Variants in CTSZ observed in about 807,000 individuals in gnomAD.
CTSZ encodes the protein cathepsin Z, also known as carboxypeptidase LB.
Under a neutral mutation model 32.4 loss-of-function variants are expected in CTSZ, and 39 were observed. The ratio of observed to expected loss-of-function variants is 1.20; its 90% CI spans 0.93 to 1.57. The LOEUF (loss-of-function observed/expected upper bound fraction) is 1.57, where lower values mean the gene tolerates loss of function less well. Among genes scored for constraint, CTSZ ranks in the 40% most tolerant of loss-of-function variants. The probability of loss-of-function intolerance (pLI) is 0.00; values close to 1 mark genes in which losing one functional copy is unlikely to be tolerated. For synonymous variants in CTSZ, 168 were observed against 170.1 expected, an observed-to-expected ratio of 0.99 and a Z score of 0.10; for missense variants, 397 against 419.6, an observed-to-expected ratio of 0.95 and a Z score of 0.47.
At position 59,004,794 on chromosome 20, in the gene CTSZ, G is replaced by A. The variant is rs1040785651; in HGVS notation, c.307+1528C>T. ...GAAGCGAGTGCCTGGGCCTGGGTGC[G>A]CTGAGAAGGAGGTTTCAGGAGAAAG... On this transcript the variant is annotated intron_variant, in intron 2 of 5. Transcript: ENST00000217131. This position sits in a 1 kb window ranked among gnomAD's most constrained non-coding sequence, Gnocchi z 5.6. Among the ~76,000 whole-genome samples, 4 of 152,012 alleles carry A rather than the reference G, an allele frequency of 2.6e-5. No individual in the cohort carries two copies. The highest frequency in any genetic ancestry group is 4.4e-5 in the Non-Finnish European group (3 of 67,976).
intron 2 of CTSZ, among the ~76,000 whole-genome samples, chr20:59,003,141 T>C (rs1188873244): frequency 2.0e-5 from 3 of 152,238 alleles, no homozygotes; most frequent in Non-Finnish European, 1.5e-5. Context: ...ACCTCCTGCC[T>C]GGGCTTCTGG....
In CTSZ at chr20:59,001,499, G is replaced by A. The variant is rs145037018; in HGVS notation, c.453C>T (p.Asp151=). The change falls in exon 3 of 6, where the codon GAC becomes GAT. Residue 151 remains aspartate, a synonymous_variant. Coordinates refer to ENST00000217131, the MANE Select transcript of CTSZ (RefSeq NM_001336.4). ...WDYAHQHGIP[D]ETCNNYQAKD... is the part of the protein sequence containing the mutation. ...TGGCCTGGTAGTTGTTGCAGGTCTCGTCAGGGATGCCGTGCTGGTGGGCGT... is the reference window on the plus strand; with the variant it reads ...TGGCCTGGTAGTTGTTGCAGGTCTCATCAGGGATGCCGTGCTGGTGGGCGT... 3.1e-6 allele frequency: 5 copies of A among 1,613,734 alleles called. No individual in the cohort carries two copies. The highest frequency in any genetic ancestry group is 1.1e-5 in the South Asian group (1 of 91,076).
At chr20:58,998,800 C>T (rs163786) in intron 3 of CTSZ, among the ~76,000 whole-genome samples, 63,636 of 152,128 alleles carry the variant, frequency 0.42, 13,783 homozygotes, top group East Asian at 0.62. Flanking sequence ...ATCCACACGG[C>T]GGCCCTCGGC....
Position 58,995,718 on chromosome 20 carries a change from C to G in CTSZ, c.843G>C (p.Lys281Asn), listed in dbSNP as rs6064734. 6.2e-7 allele frequency: 1 copy of G among 1,614,034 alleles called. No homozygotes were observed. ...GGTTGTATCTGGCGCCCTTCCCATC[C>G]TTATAGGTGCTGGTCACGATCCTCA... ...GWLRIVTSTY[K>N]DGKGARYNLA... Residue 281 changes from lysine to asparagine, a missense_variant, in exon 6 of 6, where the codon AAG (lysine) becomes AAC (asparagine). Lys to Asn is a moderately conservative substitution (Grantham distance 94, BLOSUM62 0). Coordinates refer to ENST00000217131, the MANE Select transcript of CTSZ (RefSeq NM_001336.4).
At position 59,004,061 on chromosome 20, in the gene CTSZ, G is replaced by T. The variant is rs772802415; in HGVS notation, c.307+2261C>A. Among the ~76,000 whole-genome samples the T allele has an allele frequency of 2.6e-5, 4 of 152,126 alleles. No homozygotes were observed. The highest frequency in any genetic ancestry group is 5.9e-5 in the Non-Finnish European group (4 of 68,018). On this transcript the variant is annotated intron_variant, in intron 2 of 5. Transcript: ENST00000217131. The surrounding 1 kb of genome is among the most constrained non-coding windows in gnomAD (Gnocchi z 5.6). ...GGTAGAACCGACAAGACTTGTGGGT[G>T]GATTATATGAGGGACAGAAAACAGA...
Position 58,997,734 on chromosome 20 carries a change from T to C in CTSZ, c.507A>G (p.Gln169=), listed in dbSNP as rs1483929764. Residue 169 remains glutamine, a synonymous_variant, in exon 4 of 6, where the codon CAA becomes CAG. Coordinates refer to ENST00000217131, the MANE Select transcript of CTSZ (RefSeq NM_001336.4). ...CTTTGAATTCATTGCATGTCCCACA[T>C]TGGTTAAACTTGTCACACTCTGGGG... ...AKDQECDKFN[Q]CGTCNEFKEC... The C allele has an allele frequency of 3.1e-6, 5 of 1,607,794 alleles. No individual in the cohort carries two copies. Among genetic ancestry groups the C allele is most frequent in the Non-Finnish European group, 4.2e-6 (5 of 1,177,100 alleles).
intron 2 of CTSZ, 172 bp downstream of exon 2, chr20:59,006,150 G>T: frequency 1.3e-6 from 1 of 772,282 alleles, no homozygotes; most frequent in Non-Finnish European, 2.0e-6. Context: ...GACCCAGCTT[G>T]GGTCACCTCA....
chr20:58,997,555 C>A (rs746072453), intron 4 of CTSZ, 48 bp downstream of exon 4: 20 of 1,486,754 alleles, frequency 1.3e-5, no homozygotes, highest in Admixed American at 4.4e-5. Flanking sequence ...ACCCGCGGGA[C>A]CTTTCCTCAC....
At chr20:59,006,869 T>G (rs2091910538) in intron 1 of CTSZ, 117 bp downstream of exon 1, 1 of 912,814 alleles carries the variant, frequency 1.1e-6, no homozygotes, top group Non-Finnish European at 1.5e-6. Context: ...ACGAAGCGGC[T>G]GGATCTGACC....
In CTSZ at chr20:59,006,335, G is replaced by C. The variant is rs763846487; in HGVS notation, c.294C>G (p.Thr98=). ...GCGGCCACTCACCCGCCATAGCGCT[G>C]GTGCTGGCGTGGGCCCAGCAGGAGC... is the stretch of plus-strand genomic sequence containing the variant. ...YCGSCWAHAS[T]SAMADRINIK... Residue 98 remains threonine (T), a synonymous_variant, in exon 2 of 6, where the codon ACC becomes ACG. Transcript: ENST00000217131. The C allele has an allele frequency of 1.9e-6, 3 of 1,611,004 alleles. No homozygotes were observed. The highest frequency in any genetic ancestry group is 4.5e-5 in the East Asian group (2 of 44,798).
At chr20:59,001,190 C>A (rs2091887466) in intron 3 of CTSZ, among the ~76,000 whole-genome samples, 1 of 152,206 alleles carries the variant, frequency 6.6e-6, no homozygotes, top group Non-Finnish European at 1.5e-5. Flanking sequence ...TCAACAGGGA[C>A]TACGGGGTCC....
In CTSZ at chr20:59,006,408, A is replaced by T; in HGVS notation, c.221T>A (p.Val74Asp). 6.2e-7 allele frequency: 1 copy of T among 1,613,962 alleles called. No homozygotes were observed. The highest frequency in any genetic ancestry group is 8.5e-7 in the Non-Finnish European group (1 of 1,180,004). The part of the protein sequence containing the change: ...KSWDWRNVDG[V>D]NYASITRNQH... ...GTTCCGGGTGATGCTGGCATAGTTG[A>T]CACCATCCACATTGCGCCAGTCCCA... Residue 74 changes from valine to aspartate, a missense_variant, in exon 2 of 6, where the codon GTC becomes GAC. Physicochemically the swap from Val to Asp is radical, Grantham distance 152. Coordinates refer to ENST00000217131, the MANE Select transcript of CTSZ (RefSeq NM_001336.4).
In CTSZ at chr20:59,007,060, G is replaced by T. The variant is rs776587316; in HGVS notation, c.69C>A (p.Gly23=). 1 of 1,464,718 alleles carries T rather than the reference G, an allele frequency of 6.8e-7. No individual in the cohort carries two copies. 90.7% of individuals were successfully genotyped at this position (1,464,718 alleles called of 1,614,324 possible). A position where few individuals can be genotyped will look rare whatever the true frequency, so the allele number is the denominator to read the frequency against. The stretch of plus-strand genomic sequence containing the variant: ...TCTGTCCCCGGCGGAAGTAGAGGCC[G>T]CCCTGCGCCGCGCCCGCCAGCAGCA... ...LLVLLAGAAQ[G]GLYFRRGQTC... Residue 23 remains glycine, a synonymous_variant, in exon 1 of 6, where the codon GGC becomes GGA. Coordinates refer to ENST00000217131, the MANE Select transcript of CTSZ (RefSeq NM_001336.4).
chr20:58,999,571 AC>A (rs959035130), intron 3 of CTSZ, among the ~76,000 whole-genome samples: 17 of 152,078 alleles, frequency 1.1e-4, no homozygotes, highest in African/African-American at 4.1e-4. Flanking sequence ...TTCTGGCTGA[AC>A]AATAAGGCCT....
rs1299769175 is a variant in CTSZ, at chr20:59,004,574, CG to C, written c.307+1747del. On this transcript the variant is annotated intron_variant, in intron 2 of 5. Coordinates refer to ENST00000217131, the MANE Select transcript of CTSZ (RefSeq NM_001336.4). The surrounding 1 kb of genome is among the most constrained non-coding windows in gnomAD (Gnocchi z 5.6). ...GCCCAGAATTGGGGCGGGGTGGGGC[CG>C]GGGGCTTTGTGTTCCTTTTTTCCAG... Among the ~76,000 whole-genome samples, 2 of 149,698 alleles carry C rather than the reference CG, an allele frequency of 1.3e-5. No individual in the cohort carries two copies. The highest frequency in any genetic ancestry group is 3.0e-5 in the Non-Finnish European group (2 of 67,448).
At chr20:59,006,961 G>A in intron 1 of CTSZ, 25 bp downstream of exon 1, 1 of 1,407,816 alleles carries the variant, frequency 7.1e-7, no homozygotes, top group Non-Finnish European at 9.2e-7. Context: ...CGTCCCCCCA[G>A]GGCTGCCTCC....
In CTSZ at chr20:59,007,224, T is replaced by TCGGCCC. The variant is rs200474697; in HGVS notation, c.-102_-97dup. 0.26 allele frequency: 222,201 copies of TCGGCCC among 841,096 alleles called. 20,196 individuals carry two copies. The highest frequency in any genetic ancestry group is 0.27 in the Non-Finnish European group (179,953 of 657,486). 52.1% of individuals were successfully genotyped at this position (841,096 alleles called of 1,614,324 possible). A position where few individuals can be genotyped will look rare whatever the true frequency, so the allele number is the denominator to read the frequency against. ...TCTGGATCCCGCCCCGGCCTCGGCC[T>TCGGCCC]CGGCCCAGCACCCGGCCGACCCCGC... is the stretch of plus-strand genomic sequence containing the variant. On this transcript the variant is annotated 5_prime_UTR_variant, in exon 1 of 6. Coordinates refer to ENST00000217131, the MANE Select transcript of CTSZ (RefSeq NM_001336.4).
intron 2 of CTSZ, among the ~76,000 whole-genome samples, chr20:59,003,074 G>T (rs1174930089): frequency 1.3e-5 from 2 of 152,138 alleles, no homozygotes; most frequent in African/African-American, 4.8e-5. Flanking sequence ...ACTGTCATCC[G>T]AGCTGACCAC....
chr20:59,001,395 A>G, intron 3 of CTSZ, 70 bp downstream of exon 3: 1 of 1,501,556 alleles, frequency 6.7e-7, no homozygotes, highest in Non-Finnish European at 9.0e-7. Context: ...CTGGGTCCTC[A>G]GCCACGAAGG....
Sources: allele counts gnomAD v4.1 joint callset (sites outside exome capture counted in the v4.1 genomes callset), GRCh38; gene constraint gnomAD v4.1.1; non-coding constraint Gnocchi (gnomAD v3.1); transcripts MANE v1.5; gene names NCBI Gene and HGNC (gene_info 2026-07-23, HGNC 2026-07-21).